LCT: variants seen among roughly 807,000 people sequenced by gnomAD.
LCT encodes lactase.
A neutral mutation model predicts 173.0 loss-of-function variants in LCT; 90 were observed. The ratio of observed to expected loss-of-function variants is 0.52; its 90% CI spans 0.44 to 0.62. LCT has a LOEUF of 0.62. Ranked by LOEUF, LCT falls within the 20% of genes least tolerant of loss-of-function variation. LCT has a pLI of 0.00. For synonymous variants in LCT, 853 were observed against 957.6 expected, an observed-to-expected ratio of 0.89 and a Z score of 2.02; for missense variants, 1,864 against 2,431.4, an observed-to-expected ratio of 0.77 and a Z score of 4.91.
intron 3 of LCT, among the ~76,000 whole-genome samples, chr2:135,828,080 A>G: frequency 6.6e-6 from 1 of 152,118 alleles, no homozygotes; most frequent in South Asian, 2.1e-4. Flanking sequence ...GCTGGAGTGC[A>G]GTGGCGAAAT....
At chr2:135,788,638 A>G (rs578154754) in intron 16 of LCT, 94 bp from the exon 17 acceptor site, 3 of 826,634 alleles carry the variant, frequency 3.6e-6, no homozygotes, top group African/African-American at 3.3e-5. Flanking sequence ...GGTACCCCAA[A>G]TCCGCACAGC....
intron 2 of LCT, among the ~76,000 whole-genome samples, chr2:135,830,125 G>A (rs978076144): frequency 8.5e-5 from 13 of 152,078 alleles, no homozygotes; most frequent in African/African-American, 2.4e-4. Flanking sequence ...GAATCCTACC[G>A]GGTGTTTGGT....
At chr2:135,819,260 T>A (rs1330773261) in intron 5 of LCT, among the ~76,000 whole-genome samples, 1 of 152,208 alleles carries the variant, frequency 6.6e-6, no homozygotes, top group Non-Finnish European at 1.5e-5. Flanking sequence ...ATTTTTCTAT[T>A]TTATTCTAGT....
chr2:135,808,297 A>AC, intron 8 of LCT, 146 bp downstream of exon 8: 1 of 801,644 alleles, frequency 1.2e-6, no homozygotes, highest in South Asian at 1.4e-5. Flanking sequence ...GGAACATATA[A>AC]CCCCCAAACA....
At chr2:135,826,402 C>CAAAA (rs373224567) in intron 3 of LCT, among the ~76,000 whole-genome samples, 1 of 103,712 alleles carries the variant, frequency 9.6e-6, no homozygotes, top group Non-Finnish European at 2.3e-5. Context: ...GCTACAAATA[C>CAAAA]AAAAAAAAAA....
chr2:135,828,044 G>A (rs2077901416), intron 3 of LCT, among the ~76,000 whole-genome samples: 1 of 151,924 alleles, frequency 6.6e-6, no homozygotes, highest in Non-Finnish European at 1.5e-5. Flanking sequence ...TTTTATTTTT[G>A]AGATGGAGTC....
intron 3 of LCT, among the ~76,000 whole-genome samples, chr2:135,827,171 G>C (rs2077895622): frequency 6.6e-6 from 1 of 152,120 alleles, no homozygotes; most frequent in African/African-American, 2.4e-5. Flanking sequence ...TAGAGACGGG[G>C]TTTCGCCATG....
At position 135,837,129 on chromosome 2, in the gene LCT, C is replaced by G. The variant is rs1281844893; in HGVS notation, c.41G>C (p.Ser14Thr). 3.1e-6 allele frequency: 5 copies of G among 1,614,024 alleles called. No individual in the cohort carries two copies. The highest frequency in any genetic ancestry group is 4.5e-5 in the East Asian group (2 of 44,872). ...SWHVVFIALL[S>T]FSCWGSDWES... ...CCAGTCTGACCCCCAGCATGAAAAA[C>G]TTAGCAGGGCAATAAAGACTACATG... Residue 14 changes from serine to threonine, a missense_variant, in exon 1 of 17, where the codon AGT becomes ACT. By Grantham distance (58) the Ser-to-Thr change is moderately conservative. Coordinates refer to ENST00000264162, the MANE Select transcript of LCT (RefSeq NM_002299.4).
chr2:135,824,192 T>C (rs1316101483), intron 3 of LCT, among the ~76,000 whole-genome samples, 189 bp from the exon 4 acceptor site: 2 of 152,108 alleles, frequency 1.3e-5, no homozygotes, highest in African/African-American at 4.8e-5. Flanking sequence ...TTCAATAACA[T>C]AGTCTACCCT....
At position 135,812,430 on chromosome 2, in the gene LCT, C is replaced by T; in HGVS notation, c.2234G>A (p.Arg745Lys). The change falls in exon 7 of 17, where the codon AGA becomes AAA. Residue 745 changes from arginine to lysine, a missense_variant. Physicochemically the swap from Arg to Lys is conservative, Grantham distance 26. This residue lies in a region of LCT where 755 missense variants were observed against 926.3 expected (regional missense o/e 0.82). Coordinates refer to ENST00000264162, the MANE Select transcript of LCT (RefSeq NM_002299.4). ...LLQFVSLEYT[R>K]GKVPIYLAGN... ...GGCAAGGTATATTGGAACTTTTCCT[C>T]TTGTGTATTCCAGGGATACAAACTG... is the stretch of plus-strand genomic sequence containing the variant. 6.2e-7 allele frequency: 1 copy of T among 1,614,214 alleles called. No homozygotes were observed. The highest frequency in any genetic ancestry group is 8.5e-7 in the Non-Finnish European group (1 of 1,180,036).
In LCT at chr2:135,807,152, C is replaced by A; in HGVS notation, c.4149G>T (p.Trp1383Cys). The A allele has an allele frequency of 6.2e-7, 1 of 1,614,226 alleles. No individual in the cohort carries two copies. Among genetic ancestry groups the A allele is most frequent in the South Asian group, 1.1e-5 (1 of 91,088 alleles). The change falls in exon 9 of 17, where the codon TGG (tryptophan) becomes TGT (cysteine). Residue 1383 changes from tryptophan to cysteine, a missense_variant. By Grantham distance (215) the Trp-to-Cys change is radical. Transcript: ENST00000264162. ...LYGRFPEGFIWSAASAAYQIE... is the reference protein window; with the variant it reads ...LYGRFPEGFICSAASAAYQIE... ...CCTGATATGCAGCAGAAGCTGCACT[C>A]CAGATGAAGCCCTCAGGAAACCGTC...
chr2:135,804,263 C>A (rs2077650667), intron 10 of LCT, 135 bp from the exon 11 acceptor site: 3 of 769,202 alleles, frequency 3.9e-6, no homozygotes, highest in Non-Finnish European at 6.6e-6. Context: ...AGATTTTTTT[C>A]TTTTTCTTTT....
rs755103012 is a variant in LCT at position 135,790,866 on chromosome 2, G to A, written c.5127C>T (p.Ile1709=). 2.2e-5 allele frequency: 35 copies of A among 1,613,906 alleles called. No homozygotes were observed. Among genetic ancestry groups the A allele is most frequent in the Non-Finnish European group, 2.6e-5 (31 of 1,179,810 alleles). ...SFDADRGVAS[I]ADRSWPDSGS... The stretch of plus-strand genomic sequence containing the variant: ...CAGAGTCTGGCCACGAGCGATCTGC[G>A]ATGGAAGCAACTCCTCTACAAGTTC... Residue 1709 remains isoleucine (I), a synonymous_variant, in exon 15 of 17, where the codon ATC becomes ATT. Transcript: ENST00000264162. The surrounding 1 kb of genome is among the most constrained non-coding windows in gnomAD (Gnocchi z 4.1).
intron 9 of LCT, among the ~76,000 whole-genome samples, chr2:135,806,791 C>G (rs939685812): frequency 6.6e-6 from 1 of 152,200 alleles, no homozygotes; most frequent in Non-Finnish European, 1.5e-5. Context: ...ATGAACTCAC[C>G]TAACATCACA....
intron 12 of LCT, 116 bp downstream of exon 12, chr2:135,800,491 C>A: frequency 1.1e-6 from 1 of 891,930 alleles, no homozygotes; most frequent in Non-Finnish European, 1.9e-6. Context: ...TTCCAAAGTG[C>A]TGGGATTATA....
Position 135,836,605 on chromosome 2 carries a change from CT to C in LCT, c.564del (p.Ala189ArgfsTer43). The C allele has an allele frequency of 1.2e-6, 2 of 1,614,064 alleles. No individual in the cohort carries two copies. The highest frequency in any genetic ancestry group is 1.7e-6 in the Non-Finnish European group (2 of 1,179,948). ...VIKELPHQES[R>X]ASQLQTLSDA... The stretch of plus-strand genomic sequence containing the variant: ...TCACTGAGGGTCTGGAGTTGTGACG[CT>C]CTTGATTCCTGGTGGGGAAGCTCCT... On this transcript the variant is annotated frameshift_variant, in exon 1 of 17. Transcript: ENST00000264162. LOFTEE classifies it high-confidence loss of function.
At chr2:135,814,578 G>A (rs182787020) in intron 6 of LCT, among the ~76,000 whole-genome samples, 232 of 151,134 alleles carry the variant, frequency 1.5e-3, no homozygotes, top group Non-Finnish European at 1.7e-3. Flanking sequence ...GTGCAGTGGC[G>A]CAATCTCGGC....
rs201648112 is a variant in LCT at position 135,835,971 on chromosome 2, T to A, written c.640+559A>T. 1.8e-3 allele frequency among the ~76,000 whole-genome samples: 163 copies of A among 91,488 alleles called. 5 individuals are homozygous for A. The highest frequency in any genetic ancestry group is 6.8e-3 in the South Asian group (13 of 1,916). 60.0% of individuals were successfully genotyped at this position (91,488 alleles called of 152,430 possible). Reference sequence around the variant, plus strand: ...GGGCAAGGGGTATTTCAAAAATACATGTGTGTATATATATATATATATATA... The same window carrying A: ...GGGCAAGGGGTATTTCAAAAATACAAGTGTGTATATATATATATATATATA... On this transcript the variant is annotated intron_variant, in intron 1 of 16. Coordinates refer to ENST00000264162, the MANE Select transcript of LCT (RefSeq NM_002299.4).
intron 6 of LCT, among the ~76,000 whole-genome samples, chr2:135,813,876 A>C (rs1350686824): frequency 2.0e-5 from 3 of 152,244 alleles, no homozygotes; most frequent in Non-Finnish European, 4.4e-5. Flanking sequence ...GACTTAACTC[A>C]TGCTCTTACA....
Sources: gnomAD v4.1 joint callset for allele counts (sites outside exome capture counted in the v4.1 genomes callset) on GRCh38, gnomAD v4.1.1 for gene constraint, gnomAD v4.1.1 regional missense constraint, Gnocchi (gnomAD v3.1) non-coding constraint, MANE v1.5 for transcripts, NCBI Gene and HGNC (gene_info 2026-07-23, HGNC 2026-07-21) for gene names.